Variants in TAF1B observed in about 807,000 individuals in gnomAD.
The protein encoded by TAF1B is TATA box-binding protein-associated factor RNA polymerase I subunit B.
Under a neutral mutation model 83.9 loss-of-function variants are expected in TAF1B, and 61 were observed. The observed-to-expected ratio is 0.73, with a 90% confidence interval of 0.59 to 0.90. TAF1B has a LOEUF of 0.90. Ranked by LOEUF, TAF1B falls within the 40% of genes least tolerant of loss-of-function variation. The probability of loss-of-function intolerance (pLI) is 0.00; values close to 1 mark genes in which losing one functional copy is unlikely to be tolerated. For missense variants in TAF1B, 625 were observed against 677.0 expected (o/e 0.92, Z 0.85); for synonymous variants, 221 against 224.6 (o/e 0.98, Z 0.14).
intron 8 of TAF1B, among the ~76,000 whole-genome samples, chr2:9,904,381 A>G (rs1256511395): frequency 6.6e-6 from 1 of 152,178 alleles, no homozygotes; most frequent in African/African-American, 2.4e-5. Context: ...TACTGCATTA[A>G]TTTGCTTAAG....
At chr2:9,846,962 G>C (rs1663224914) in intron 2 of TAF1B, among the ~76,000 whole-genome samples, 1 of 152,210 alleles carries the variant, frequency 6.6e-6, no homozygotes, top group African/African-American at 2.4e-5. Context: ...TATAGTGCAG[G>C]TGTAAACCCA....
intron 6 of TAF1B, among the ~76,000 whole-genome samples, chr2:9,871,813 G>A (rs1236117688): frequency 6.6e-6 from 1 of 152,094 alleles, no homozygotes; most frequent in African/African-American, 2.4e-5. Flanking sequence ...GGCTGTCACT[G>A]TTCTGGAAAC....
At chr2:9,878,639 G>A (rs912480736) in intron 7 of TAF1B, among the ~76,000 whole-genome samples, 1 of 152,104 alleles carries the variant, frequency 6.6e-6, no homozygotes, top group Admixed American at 6.5e-5. Flanking sequence ...AATAAAAATA[G>A]CCAGCCCTTA....
In TAF1B at chr2:9,919,691, G is replaced by C. The variant is rs1395035849; in HGVS notation, c.1436G>C (p.Trp479Ser). 6.2e-7 allele frequency: 1 copy of C among 1,614,048 alleles called. No homozygotes were observed. The highest frequency in any genetic ancestry group is 1.3e-5 in the African/African-American group (1 of 74,916). The change falls in exon 14 of 15, where the codon TGG becomes TCG. Residue 479 changes from tryptophan (W) to serine (S), a missense_variant. Transcript: ENST00000263663. Reference sequence around the variant, plus strand: ...AGCCCTTCAAGTTTTCAGTTCAACTGGACTGAAGAGGACACTGATAGAACG... The same window carrying C: ...AGCCCTTCAAGTTTTCAGTTCAACTCGACTGAAGAGGACACTGATAGAACG... The part of the protein sequence containing the change: ...KKSPSSFQFN[W>S]TEEDTDRTCF...
At chr2:9,867,048 G>A (rs1664003009) in intron 5 of TAF1B, among the ~76,000 whole-genome samples, 1 of 152,050 alleles carries the variant, frequency 6.6e-6, no homozygotes, top group African/African-American at 2.4e-5. Flanking sequence ...TAAGAAACCT[G>A]CATGTTGTGC....
At chr2:9,870,258 G>A (rs1664125865) in intron 6 of TAF1B, among the ~76,000 whole-genome samples, 1 of 152,174 alleles carries the variant, frequency 6.6e-6, no homozygotes, top group Non-Finnish European at 1.5e-5. Flanking sequence ...GGGAGGCCAA[G>A]GAGGGAGGAT....
intron 3 of TAF1B, among the ~76,000 whole-genome samples, chr2:9,849,988 GC>G (rs1467491610): frequency 6.6e-6 from 1 of 151,318 alleles, no homozygotes; most frequent in Non-Finnish European, 1.5e-5. Context: ...ACATGAGATA[GC>G]TTTAAGGATA....
intron 8 of TAF1B, among the ~76,000 whole-genome samples, chr2:9,891,749 A>C (rs1201187904): frequency 6.6e-6 from 1 of 152,174 alleles, no homozygotes; most frequent in African/African-American, 2.4e-5. Flanking sequence ...AAGTTTAAAG[A>C]GTAAAAAAAC....
At position 9,868,373 on chromosome 2, in the gene TAF1B, C is replaced by T; in HGVS notation, c.497C>T (p.Ser166Phe). 6.2e-7 allele frequency: 1 copy of T among 1,614,118 alleles called. No homozygotes were observed. Among genetic ancestry groups the T allele is most frequent in the Non-Finnish European group, 8.5e-7 (1 of 1,179,994 alleles). ...CCTTTTCTTGAAAGTGGAGCGGAGT[C>T]TCAGTCTGACATCCACACTCGAAAA... ...CPPFLESGAE[S>F]QSDIHTRKPF... The change falls in exon 6 of 15, where the codon TCT (serine) becomes TTT (phenylalanine). Residue 166 changes from serine (S) to phenylalanine (F), a missense_variant. By Grantham distance (155) the Ser-to-Phe change is radical (BLOSUM62 -2). Transcript: ENST00000263663.
chr2:9,906,297 A>G (rs1665341189), intron 9 of TAF1B, among the ~76,000 whole-genome samples: 1 of 152,178 alleles, frequency 6.6e-6, no homozygotes, highest in African/African-American at 2.4e-5. Flanking sequence ...CTTGCCTAAC[A>G]TTTCCTGTGC....
chr2:9,869,131 A>G (rs1460394728), intron 6 of TAF1B, among the ~76,000 whole-genome samples: 1 of 152,160 alleles, frequency 6.6e-6, no homozygotes, highest in Non-Finnish European at 1.5e-5. Flanking sequence ...AAACCATCGA[A>G]CCTTTTTGAA....
Position 9,868,367 on chromosome 2 carries a change from C to T in TAF1B, c.491C>T (p.Ala164Val), listed in dbSNP as rs377190633. The T allele has an allele frequency of 3.2e-5, 51 of 1,613,980 alleles. No homozygotes were observed. Among genetic ancestry groups the T allele is most frequent in the Non-Finnish European group, 4.1e-5 (48 of 1,180,012 alleles). ...VSCPPFLESG[A>V]ESQSDIHTRK... ...TGTCCTCCTTTTCTTGAAAGTGGAG[C>T]GGAGTCTCAGTCTGACATCCACACT... The change falls in exon 6 of 15, where the codon GCG becomes GTG. Residue 164 changes from alanine to valine, a missense_variant. By Grantham distance (64) the Ala-to-Val change is moderately conservative. Coordinates refer to ENST00000263663, the MANE Select transcript of TAF1B (RefSeq NM_005680.3).
chr2:9,895,212 T>A (rs1055681572), intron 8 of TAF1B, among the ~76,000 whole-genome samples: 1 of 152,214 alleles, frequency 6.6e-6, no homozygotes, highest in Non-Finnish European at 1.5e-5. Flanking sequence ...AAAAAAAATT[T>A]TTTGTGGTTA....
intron 8 of TAF1B, among the ~76,000 whole-genome samples, chr2:9,883,831 T>A (rs899114387): frequency 1.3e-5 from 2 of 152,214 alleles, no homozygotes; most frequent in African/African-American, 4.8e-5. Flanking sequence ...GTAAAATAAT[T>A]CTCTTTGTAG....
At chr2:9,921,141 G>C (rs1040974243) in intron 14 of TAF1B, among the ~76,000 whole-genome samples, 6 of 152,126 alleles carry the variant, frequency 3.9e-5, no homozygotes, top group African/African-American at 1.4e-4. Flanking sequence ...ACCCAAGCTG[G>C]AGTACAGTGG....
At chr2:9,864,677 G>A (rs562239399) in intron 5 of TAF1B, among the ~76,000 whole-genome samples, 2 of 152,286 alleles carry the variant, frequency 1.3e-5, no homozygotes, top group African/African-American at 4.8e-5. Flanking sequence ...GAACATTGAT[G>A]CAAAAATCCT....
At chr2:9,856,463 G>A (rs1431205631) in intron 5 of TAF1B, among the ~76,000 whole-genome samples, 1 of 152,156 alleles carries the variant, frequency 6.6e-6, no homozygotes, top group Non-Finnish European at 1.5e-5. Context: ...ATACTGTCTT[G>A]ATACATGAGA....
At chr2:9,861,418 G>C (rs565943193) in intron 5 of TAF1B, among the ~76,000 whole-genome samples, 4 of 152,234 alleles carry the variant, frequency 2.6e-5, no homozygotes, top group African/African-American at 7.2e-5. Context: ...CGCCATTGCC[G>C]AGGCTTGAGT....
intron 3 of TAF1B, among the ~76,000 whole-genome samples, chr2:9,849,675 A>G (rs1253826489): frequency 6.6e-6 from 1 of 152,198 alleles, no homozygotes; most frequent in Non-Finnish European, 1.5e-5. Flanking sequence ...GAAATAATTC[A>G]ACCGTGGAAT....
Sources: gnomAD v4.1 joint callset for allele counts (sites outside exome capture counted in the v4.1 genomes callset) on GRCh38, gnomAD v4.1.1 for gene constraint, MANE v1.5 for transcripts, NCBI Gene and HGNC (gene_info 2026-07-23, HGNC 2026-07-21) for gene names.